PIR: variants seen among roughly 807,000 people sequenced by gnomAD.
PIR encodes the protein pirin (iron-binding nuclear protein).
A neutral mutation model predicts 24.2 loss-of-function variants in PIR; 22 were observed. The observed-to-expected ratio is 0.91, with a 90% confidence interval of 0.65 to 1.30. The LOEUF (loss-of-function observed/expected upper bound fraction) is 1.30, where lower values mean the gene tolerates loss of function less well. Among genes scored for constraint, PIR ranks in the 50% most tolerant of loss-of-function variants. PIR has a pLI of 0.00. For missense variants in PIR, 220 were observed against 220.3 expected, an observed-to-expected ratio of 1.00 and a Z score of 0.01; for synonymous variants, 80 against 79.6, an observed-to-expected ratio of 1.00 and a Z score of -0.03.
chrX:15,442,628 C>T (rs892498018), intron 5 of PIR, among the ~76,000 whole-genome samples: 8 of 111,952 alleles, frequency 7.1e-5, no homozygotes, highest in African/African-American at 2.3e-4. Flanking sequence ...GCTACTCCAG[C>T]GAACACACAG....
chrX:15,474,083 G>A (rs1358560612), intron 3 of PIR, among the ~76,000 whole-genome samples: 1 of 111,712 alleles, frequency 9.0e-6, no homozygotes, highest in African/African-American at 3.3e-5. Flanking sequence ...AGAGTTTAAC[G>A]GACCAAGAAA....
chrX:15,386,890 A>G (rs1263194408), intron 9 of PIR, among the ~76,000 whole-genome samples: 1 of 109,826 alleles, frequency 9.1e-6, no homozygotes, highest in Non-Finnish European at 1.9e-5. Context: ...AGGGAGTAAT[A>G]TAATATGATT....
chrX:15,452,121 C>A (rs997241621), intron 5 of PIR, among the ~76,000 whole-genome samples: 1 of 111,677 alleles, frequency 9.0e-6, no homozygotes, highest in Non-Finnish European at 1.9e-5. Flanking sequence ...GGGCTGAGGC[C>A]TCCTCAAGGT....
intron 2 of PIR, among the ~76,000 whole-genome samples, 179 bp from the exon 3 acceptor site, chrX:15,480,000 G>A (rs1314566108): frequency 9.0e-6 from 1 of 111,369 alleles, no homozygotes; most frequent in African/African-American, 3.3e-5. Flanking sequence ...GTTTGGCTCC[G>A]TGTCCCCACC....
At chrX:15,471,888 T>C (rs973660038) in intron 3 of PIR, among the ~76,000 whole-genome samples, 2 of 112,463 alleles carry the variant, frequency 1.8e-5, no homozygotes, top group African/African-American at 6.5e-5. Context: ...GGCAATGTGT[T>C]GTGGAGGAGA....
chrX:15,422,332 GAA>G (rs34503974), intron 6 of PIR, among the ~76,000 whole-genome samples: 3 of 90,682 alleles, frequency 3.3e-5, no homozygotes, highest in African/African-American at 1.2e-4. Context: ...CTAGGCAAGA[GAA>G]AAAAAAAAAA....
intron 5 of PIR, among the ~76,000 whole-genome samples, chrX:15,433,852 G>GAGGAGGAGGAAGGAGAAAGA (rs1925622908): frequency 2.0e-5 from 1 of 49,765 alleles, no homozygotes; most frequent in Non-Finnish European, 3.7e-5. Context: ...GAGAAAGAAG[G>GAGGAGGAGGAAGGAGAAAGA]AGGAGGAGGA....
chrX:15,416,641 G>C (rs1924928374), intron 6 of PIR, among the ~76,000 whole-genome samples: 1 of 111,817 alleles, frequency 8.9e-6, no homozygotes, highest in African/African-American at 3.3e-5. Flanking sequence ...TGTGGCTAGA[G>C]TCTTGCGTCT....
intron 7 of PIR, among the ~76,000 whole-genome samples, chrX:15,399,887 G>C (rs764534881): frequency 8.1e-5 from 9 of 111,136 alleles, no homozygotes; most frequent in Non-Finnish European, 1.7e-4. Context: ...ATGTCAGAAA[G>C]GTCCATGGCA....
chrX:15,464,561 T>C (rs1921461099), intron 3 of PIR: 1 of 307,330 alleles, frequency 3.3e-6, no homozygotes, highest in Non-Finnish European at 4.3e-6. Context: ...ATATTACATG[T>C]AGGACAATGC....
At chrX:15,424,642 G>A (rs925011176) in intron 6 of PIR, among the ~76,000 whole-genome samples, 6 of 111,648 alleles carry the variant, frequency 5.4e-5, no homozygotes, top group Non-Finnish European at 1.1e-4. Flanking sequence ...TTATATGAAC[G>A]TATTAAATTG....
At chrX:15,433,552 A>G (rs571670275) in intron 5 of PIR, among the ~76,000 whole-genome samples, 6 of 86,413 alleles carry the variant, frequency 6.9e-5, no homozygotes, top group Non-Finnish European at 1.1e-4. Flanking sequence ...AAGAGAGAGA[A>G]AGAAAGAAAG....
intron 9 of PIR, among the ~76,000 whole-genome samples, chrX:15,388,129 G>A (rs1275380692): frequency 8.9e-6 from 1 of 112,258 alleles, no homozygotes; most frequent in Non-Finnish European, 1.9e-5. Context: ...AAAATTATTT[G>A]ATAGTTACCT....
At chrX:15,399,839 T>C (rs2147007191) in intron 7 of PIR, among the ~76,000 whole-genome samples, 1 of 111,689 alleles carries the variant, frequency 9.0e-6, no homozygotes, top group African/African-American at 3.3e-5. Flanking sequence ...CTGCACTGAC[T>C]TTAAAAACAT....
At chrX:15,393,479 C>A (rs1924025046) in intron 8 of PIR, among the ~76,000 whole-genome samples, 1 of 111,222 alleles carries the variant, frequency 9.0e-6, no homozygotes, top group African/African-American at 3.3e-5. Context: ...GGCCATGGAC[C>A]AGTACCAATT....
chrX:15,461,705 C>T (rs1363044780), intron 3 of PIR, among the ~76,000 whole-genome samples: 1 of 112,085 alleles, frequency 8.9e-6, no homozygotes, highest in African/African-American at 3.2e-5. Flanking sequence ...ATCACTTCAA[C>T]TCGGGAGGCA....
intron 4 of PIR, among the ~76,000 whole-genome samples, chrX:15,459,046 T>C (rs1052543628): frequency 5.3e-5 from 6 of 112,522 alleles, no homozygotes; most frequent in African/African-American, 1.9e-4. Flanking sequence ...CAGTACCTGG[T>C]ATAGAGTTTC....
chrX:15,399,010 G>C (rs1320645380), intron 7 of PIR, among the ~76,000 whole-genome samples: 2 of 111,774 alleles, frequency 1.8e-5, no homozygotes, highest in Non-Finnish European at 3.8e-5. Flanking sequence ...GGTTCTGCAA[G>C]AGAAGGCTAC....
intron 3 of PIR, among the ~76,000 whole-genome samples, chrX:15,467,712 A>G (rs1921674308): frequency 8.9e-6 from 1 of 111,832 alleles, no homozygotes; most frequent in African/African-American, 3.3e-5. Flanking sequence ...TTATTTTTTT[A>G]CGTTGTTCCC....
Sources: allele counts gnomAD v4.1 joint callset (sites outside exome capture counted in the v4.1 genomes callset), GRCh38; gene constraint gnomAD v4.1.1; transcripts MANE v1.5; gene names NCBI Gene and HGNC (gene_info 2026-07-23, HGNC 2026-07-21).